The following ITGAE variants were observed in gnomAD, a reference collection of about 807,000 sequenced individuals.
The protein encoded by ITGAE is integrin alpha-E.
ITGAE carries 99 observed loss-of-function variants against 136.5 expected under a neutral mutation model. The ratio of observed to expected loss-of-function variants is 0.73; its 90% CI spans 0.62 to 0.86. The LOEUF (loss-of-function observed/expected upper bound fraction) is 0.86. ITGAE is among the 40% of genes least tolerant of loss of function. ITGAE has a pLI of 0.00. For synonymous variants in ITGAE, 613 were observed against 591.8 expected, an observed-to-expected ratio of 1.04 and a Z score of -0.52; for missense variants, 1,447 against 1,515.3, an observed-to-expected ratio of 0.95 and a Z score of 0.75.
intron 10 of ITGAE, among the ~76,000 whole-genome samples, chr17:3,756,782 A>G (rs910344439): frequency 1.3e-5 from 2 of 152,192 alleles, no homozygotes; most frequent in African/African-American, 4.8e-5. Flanking sequence ...GCCTCAAGCA[A>G]TCCACCTGCC....
chr17:3,724,204 A>ACCGG, intron 26 of ITGAE: 1 of 1,593,056 alleles, frequency 6.3e-7, no homozygotes, highest in Non-Finnish European at 8.5e-7. Context: ...GTGCCCAAGG[A>ACCGG]CCGGCCCAGC....
chr17:3,760,682 CG>C (rs1383828325), intron 6 of ITGAE, among the ~76,000 whole-genome samples: 3 of 151,900 alleles, frequency 2.0e-5, no homozygotes, highest in Admixed American at 2.0e-4. Flanking sequence ...TCAAGTGATC[CG>C]CCCACTTCAG....
intron 24 of ITGAE, among the ~76,000 whole-genome samples, chr17:3,728,665 A>T (rs898106606): frequency 1.3e-5 from 2 of 148,494 alleles, no homozygotes; most frequent in African/African-American, 5.0e-5. Context: ...GAGCCACCGC[A>T]CCTGGCCTTC....
In ITGAE at chr17:3,785,485, AAGGAAGGAAGG is replaced by A. The variant is rs1367372056; in HGVS notation, c.35-7836_35-7826del. On this transcript the variant is annotated intron_variant, in intron 1 of 30. Coordinates refer to ENST00000263087, the MANE Select transcript of ITGAE (RefSeq NM_002208.5). ...TTGGGAAAGAAGAAAGAAAGGAAGG[AAGGAAGGAAGG>A]AGGAAGGAAGGAAGGAAGGAAGGAA... Among the ~76,000 whole-genome samples, 23 of 140,414 alleles carry A rather than the reference AAGGAAGGAAGG, an allele frequency of 1.6e-4. No homozygotes were observed. In the South Asian group the frequency reaches 2.8e-3, roughly 17 times the overall value. 92.1% of individuals were successfully genotyped at this position (140,414 alleles called of 152,430 possible). A position where few individuals can be genotyped will look rare whatever the true frequency, so the allele number is the denominator to read the frequency against.
chr17:3,789,036 G>A (rs1019287653), intron 1 of ITGAE, among the ~76,000 whole-genome samples: 3 of 151,280 alleles, frequency 2.0e-5, no homozygotes, highest in Admixed American at 6.6e-5. Context: ...ACTTACACTC[G>A]GGAGCTCAAG....
intron 18 of ITGAE, among the ~76,000 whole-genome samples, chr17:3,744,569 C>A (rs560655727): frequency 6.3e-4 from 96 of 152,020 alleles, no homozygotes; most frequent in African/African-American, 2.2e-3. Flanking sequence ...CTCAGTCTCC[C>A]AAGTAGCTGG....
chr17:3,791,636 C>T (rs1417712616), intron 1 of ITGAE, among the ~76,000 whole-genome samples: 2 of 152,040 alleles, frequency 1.3e-5, no homozygotes, highest in South Asian at 4.1e-4. Flanking sequence ...TGAAATGACA[C>T]GATGTTTGGG....
intron 1 of ITGAE, 62 bp downstream of exon 1, chr17:3,801,049 C>T: frequency 6.3e-7 from 1 of 1,579,564 alleles, no homozygotes. Context: ...CTGTAGTCTG[C>T]AGACACCTGG....
In ITGAE at chr17:3,799,755, A is replaced by G. The variant is rs2053204747; in HGVS notation, c.34+1356T>C. ...CCCCACATGTAACTAAAAACAGAGAAGTCTAAATTGTAAAATAAAAGGAAG... is the reference window on the plus strand; with the variant it reads ...CCCCACATGTAACTAAAAACAGAGAGGTCTAAATTGTAAAATAAAAGGAAG... On this transcript the variant is annotated intron_variant, in intron 1 of 30. Coordinates refer to ENST00000263087, the MANE Select transcript of ITGAE (RefSeq NM_002208.5). The surrounding 1 kb of genome is among the most constrained non-coding windows in gnomAD (Gnocchi z 4.1). 6.6e-6 allele frequency among the ~76,000 whole-genome samples: 1 copy of G among 152,222 alleles called. No homozygotes were observed. Among genetic ancestry groups the G allele is most frequent in the Non-Finnish European group, 1.5e-5 (1 of 68,044 alleles).
At chr17:3,725,015 A>G in intron 26 of ITGAE, 1 of 1,614,194 alleles carries the variant, frequency 6.2e-7, no homozygotes, top group Non-Finnish European at 8.5e-7. Context: ...AAAAGGGCCA[A>G]AAGCTGGGAA....
In ITGAE at chr17:3,767,718, G is replaced by A. The variant is rs1195322578; in HGVS notation, c.156-3758C>T. On this transcript the variant is annotated intron_variant, in intron 2 of 30. Transcript: ENST00000263087. ...AGCTCACTGCAGCCTTGACCTCCCGGGCTCAGCAATCCTCCTACCTCAGCC... is the reference window on the plus strand; with the variant it reads ...AGCTCACTGCAGCCTTGACCTCCCGAGCTCAGCAATCCTCCTACCTCAGCC... Among the ~76,000 whole-genome samples the A allele has an allele frequency of 3.9e-5, 6 of 152,198 alleles. No homozygotes were observed. The East Asian group carries it at 1.2e-3, about 29-fold the overall frequency.
chr17:3,761,375 C>G, intron 5 of ITGAE, 28 bp downstream of exon 5: 1 of 1,596,324 alleles, frequency 6.3e-7, no homozygotes, highest in Non-Finnish European at 8.5e-7. Context: ...TTAGAGCTAT[C>G]CAAGGCCAGT....
In ITGAE at chr17:3,777,628, C is replaced by T. The variant is rs2052574953; in HGVS notation, c.67G>A (p.Val23Met). The part of the protein sequence containing the change: ...LALLAAFNVD[V>M]ARPWLTPKGG... ...TTGGGCGTGAGCCAGGGCCGGGCCA[C>T]ATCCACATTGAAAGCGGCCAGCAGG... The change falls in exon 2 of 31, where the codon GTG becomes ATG. Residue 23 changes from valine to methionine, a missense_variant. Coordinates refer to ENST00000263087, the MANE Select transcript of ITGAE (RefSeq NM_002208.5). The T allele has an allele frequency of 6.2e-7, 1 of 1,613,828 alleles. No homozygotes were observed. The highest frequency in any genetic ancestry group is 2.2e-5 in the East Asian group (1 of 44,866).
intron 1 of ITGAE, among the ~76,000 whole-genome samples, chr17:3,793,233 T>C (rs925866677): frequency 2.6e-5 from 4 of 152,112 alleles, no homozygotes; most frequent in Admixed American, 6.6e-5. Context: ...TTTGTATTTT[T>C]AGTAGAGATG....
intron 1 of ITGAE, among the ~76,000 whole-genome samples, chr17:3,792,394 C>G (rs992352552): frequency 3.3e-5 from 5 of 152,122 alleles, no homozygotes; most frequent in Non-Finnish European, 7.4e-5. Flanking sequence ...TGGGATTACA[C>G]GCGTGAGCCA....
In ITGAE at chr17:3,743,578, C is replaced by T. The variant is rs141830338; in HGVS notation, c.2359G>A (p.Val787Ile). ...TCAGGGGTCTGGAGCTGGTAGCTGA[C>T]TTTGACACTGGCATTGGAGAAGCAG... ...EDCFSNASVKVSYQLQTPEGQ... is the reference protein window; with the variant it reads ...EDCFSNASVKISYQLQTPEGQ... The change falls in exon 19 of 31, where the codon GTC becomes ATC. Residue 787 changes from valine (V) to isoleucine (I), a missense_variant. Physicochemically the swap from Val to Ile is conservative, Grantham distance 29 (BLOSUM62 3). Coordinates refer to ENST00000263087, the MANE Select transcript of ITGAE (RefSeq NM_002208.5). The T allele has an allele frequency of 4.4e-4, 709 of 1,613,328 alleles. No homozygotes were observed. Among genetic ancestry groups the T allele is most frequent in the Non-Finnish European group, 5.5e-4 (649 of 1,179,754 alleles).
At chr17:3,773,229 C>T (rs548354722) in intron 2 of ITGAE, among the ~76,000 whole-genome samples, 14 of 152,270 alleles carry the variant, frequency 9.2e-5, no homozygotes, top group African/African-American at 2.2e-4. Flanking sequence ...CCTTGGCTCA[C>T]GCCTGTAATC....
chr17:3,749,026 T>A (rs766578142), intron 16 of ITGAE, among the ~76,000 whole-genome samples: 5 of 152,306 alleles, frequency 3.3e-5, no homozygotes, highest in Non-Finnish European at 7.4e-5. Flanking sequence ...CAGGAAAGGC[T>A]GTGGCAGCAG....
Position 3,801,097 on chromosome 17 carries a change from G to A in ITGAE, c.34+14C>T. On this transcript the variant is annotated intron_variant, in intron 1 of 30. Transcript: ENST00000263087. The stretch of plus-strand genomic sequence containing the variant: ...GCACAGCAGCCCCTCGAAGCAGCGG[G>A]TGAGAGGACTTACTGGCTATGCAGA... The A allele has an allele frequency of 6.2e-7, 1 of 1,613,080 alleles. No homozygotes were observed. The highest frequency in any genetic ancestry group is 8.5e-7 in the Non-Finnish European group (1 of 1,179,944).
Sources: allele counts gnomAD v4.1 joint callset (sites outside exome capture counted in the v4.1 genomes callset), GRCh38; gene constraint gnomAD v4.1.1; non-coding constraint Gnocchi (gnomAD v3.1); transcripts MANE v1.5; gene names NCBI Gene and HGNC (gene_info 2026-07-23, HGNC 2026-07-21).